The following EXD3 variants were observed in gnomAD, a reference collection of about 807,000 sequenced individuals.
EXD3 encodes exonuclease mut-7 homolog.
A neutral mutation model predicts 98.0 loss-of-function variants in EXD3; 92 were observed. The observed-to-expected ratio is 0.94, with a 90% CI of 0.79 to 1.12. The LOEUF (loss-of-function observed/expected upper bound fraction) is 1.12. Ranked by LOEUF, EXD3 falls within the 50% of genes most tolerant of loss-of-function variation. The pLI, the probability that EXD3 is intolerant of heterozygous loss-of-function variation, is 0.00. For synonymous variants in EXD3, 569 were observed against 526.0 expected (o/e 1.08, Z -1.12); for missense variants, 1,222 against 1,191.6 (o/e 1.03, Z -0.38).
chr9:137,382,203 G>A (rs1009423189), intron 3 of EXD3, among the ~76,000 whole-genome samples: 1 of 152,014 alleles, frequency 6.6e-6, no homozygotes, highest in Non-Finnish European at 1.5e-5. Flanking sequence ...GGAGGTGAGG[G>A]CACAGACACA....
rs1832285413 is a variant in EXD3 at position 137,324,577 on chromosome 9, G to A, written c.1999-434C>T. Among the ~76,000 whole-genome samples, 1 of 152,162 alleles carries A rather than the reference G, an allele frequency of 6.6e-6. No individual in the cohort carries two copies. Among genetic ancestry groups the A allele is most frequent in the Non-Finnish European group, 1.5e-5 (1 of 68,042 alleles). ...TGACGATGCTCTGGGTGACAGTGTC[G>A]ACGTGGCTCTTCCCAAAGCTTTGTA... On this transcript the variant is annotated intron_variant, in intron 17 of 21. Coordinates refer to ENST00000340951, the MANE Select transcript of EXD3 (RefSeq NM_017820.5). The surrounding 1 kb of genome is among the most constrained non-coding windows in gnomAD (Gnocchi z 4.1).
chr9:137,355,516 AG>A (rs1318445757), intron 8 of EXD3, among the ~76,000 whole-genome samples: 37 of 127,486 alleles, frequency 2.9e-4, no homozygotes, highest in African/African-American at 1.0e-3. Context: ...AGGAGGAAGG[AG>A]GAAGGAGGAT....
chr9:137,347,323 G>A lies in EXD3; in HGVS notation c.1998+748C>T, dbSNP rs868251158. 6.6e-6 allele frequency among the ~76,000 whole-genome samples: 1 copy of A among 152,080 alleles called. No homozygotes were observed. Among genetic ancestry groups the A allele is most frequent in the East Asian group, 1.9e-4 (1 of 5,202 alleles). The stretch of plus-strand genomic sequence containing the variant: ...CTTGGTCAGGTGTTGGCAGAATCTG[G>A]CTGCTTGTGGCTGTTGGACTGAGGT... On this transcript the variant is annotated intron_variant, in intron 17 of 21. Transcript: ENST00000340951. The surrounding 1 kb of genome is among the most constrained non-coding windows in gnomAD (Gnocchi z 4.2).
intron 17 of EXD3, among the ~76,000 whole-genome samples, chr9:137,325,140 C>T (rs951692520): frequency 6.6e-6 from 1 of 152,206 alleles, no homozygotes; most frequent in Non-Finnish European, 1.5e-5. Context: ...AATCCCATCG[C>T]CGGGAGTGCC....
Position 137,347,770 on chromosome 9 carries a change from G to A in EXD3, c.1998+301C>T, listed in dbSNP as rs193117273. ...CATTTCTGCTTTTAAGGGCTCATGTGATTACACTGGGCCCACCCAAATAAG... is the reference window on the plus strand; with the variant it reads ...CATTTCTGCTTTTAAGGGCTCATGTAATTACACTGGGCCCACCCAAATAAG... On this transcript the variant is annotated intron_variant, in intron 17 of 21. Coordinates refer to ENST00000340951, the MANE Select transcript of EXD3 (RefSeq NM_017820.5). The surrounding 1 kb of genome is among the most constrained non-coding windows in gnomAD (Gnocchi z 4.2). Among the ~76,000 whole-genome samples the A allele has an allele frequency of 2.8e-3, 425 of 152,240 alleles. 1 individual carries two copies. The highest frequency in any genetic ancestry group is 5.1e-3 in the Non-Finnish European group (345 of 68,018).
chr9:137,367,928 A>T lies in EXD3; in HGVS notation c.516+8T>A, dbSNP rs191710398. ...AACCTAAACAATTTACATGAGAAAG[A>T]CGTTCACCTTTTCAACGCCAAGCTC... On this transcript the variant is annotated splice_region_variant and intron_variant, in intron 6 of 21. Transcript: ENST00000340951. 279 of 1,611,842 alleles carry T rather than the reference A, an allele frequency of 1.7e-4. No individual in the cohort carries two copies. The East Asian group carries it at 6.1e-3, about 35-fold the overall frequency.
intron 3 of EXD3, among the ~76,000 whole-genome samples, 200 bp from the exon 4 acceptor site, chr9:137,373,799 A>G (rs1407285940): frequency 2.0e-5 from 3 of 152,180 alleles, no homozygotes; most frequent in Admixed American, 1.3e-4. Context: ...GGCGGTGGTC[A>G]TTGTCTGCAC....
intron 2 of EXD3, among the ~76,000 whole-genome samples, chr9:137,387,809 C>T (rs1030040509): frequency 8.5e-5 from 13 of 152,206 alleles, no homozygotes; most frequent in African/African-American, 3.1e-4. Flanking sequence ...CTTCTGGGGG[C>T]CTTTGGTCCC....
intron 7 of EXD3, chr9:137,365,977 G>C (rs374363567): frequency 5.8e-6 from 3 of 520,756 alleles, no homozygotes; most frequent in Admixed American, 2.4e-5. Context: ...CACACACAGA[G>C]ACACACACAT....
At position 137,354,331 on chromosome 9, in the gene EXD3, G is replaced by C. The variant is rs372878424; in HGVS notation, c.870+8C>G. Reference sequence around the variant, plus strand: ...CCTGCCGGCTTACAGGCAAGGGCACGAACTCACCTGCACATGGTCGGTCCA... The same window carrying C: ...CCTGCCGGCTTACAGGCAAGGGCACCAACTCACCTGCACATGGTCGGTCCA... On this transcript the variant is annotated splice_region_variant and intron_variant, in intron 10 of 21. Transcript: ENST00000340951. The C allele has an allele frequency of 6.2e-7, 1 of 1,612,248 alleles. No homozygotes were observed. Among genetic ancestry groups the C allele is most frequent in the South Asian group, 1.1e-5 (1 of 91,042 alleles).
chr9:137,390,159 G>A (rs1262790357), intron 2 of EXD3, among the ~76,000 whole-genome samples: 14 of 138,884 alleles, frequency 1.0e-4, no homozygotes, highest in Non-Finnish European at 1.7e-4. Flanking sequence ...GGCCGGGCGC[G>A]GTGGCTCACA....
intron 1 of EXD3, among the ~76,000 whole-genome samples, chr9:137,422,523 GT>G (rs1341404671): frequency 1.3e-5 from 2 of 152,168 alleles, no homozygotes; most frequent in Admixed American, 1.3e-4. Flanking sequence ...GATGGGCTCT[GT>G]TTTCTTTAAA....
In EXD3 at chr9:137,402,257, G is replaced by A. The variant is rs551055914; in HGVS notation, c.-47-6853C>T. Among the ~76,000 whole-genome samples the A allele has an allele frequency of 5.3e-5, 8 of 152,220 alleles. No individual in the cohort carries two copies. In the East Asian group the frequency reaches 7.7e-4, roughly 15 times the overall value. On this transcript the variant is annotated intron_variant, in intron 1 of 21. Transcript: ENST00000340951. The stretch of plus-strand genomic sequence containing the variant: ...TCTTGAACTCCTGACCTCGTGATCC[G>A]CCCGTCTCAGCCTCCCAAAGTGTGG...
rs535992400 is a variant in EXD3 at position 137,367,803 on chromosome 9, C to T, written c.516+133G>A. The T allele has an allele frequency of 2.7e-5, 23 of 840,528 alleles. No individual in the cohort carries two copies. In the South Asian group the frequency reaches 3.5e-4, roughly 13 times the overall value. The allele number at this position is 840,528 out of a possible 1,614,324, so 52.1% of individuals were successfully genotyped here. ...TGGTTTAGGGGGCTCTGGAGGCCCT[C>T]GCCGGCCCCCGATGGCCCTGCTGTC... is the stretch of plus-strand genomic sequence containing the variant. On this transcript the variant is annotated intron_variant, in intron 6 of 21. Transcript: ENST00000340951.
At chr9:137,341,221 T>A (rs547959720) in intron 17 of EXD3, among the ~76,000 whole-genome samples, 2 of 152,102 alleles carry the variant, frequency 1.3e-5, no homozygotes, top group African/African-American at 4.8e-5. Flanking sequence ...GGAGGCTGAG[T>A]TGGGAGGCTC....
At chr9:137,350,958 G>T (rs943581176) in intron 14 of EXD3, 80 bp downstream of exon 14, 7 of 1,152,304 alleles carry the variant, frequency 6.1e-6, no homozygotes, top group Admixed American at 4.3e-5. Flanking sequence ...AGGGCCGCTG[G>T]GAAGGTGTGG....
chr9:137,404,784 C>T (rs1837638893), intron 1 of EXD3, among the ~76,000 whole-genome samples: 1 of 151,882 alleles, frequency 6.6e-6, no homozygotes, highest in Admixed American at 6.6e-5. Flanking sequence ...TGCTTGAACC[C>T]GGGAGGCAGA....
intron 1 of EXD3, among the ~76,000 whole-genome samples, chr9:137,397,310 C>T (rs2131776239): frequency 6.6e-6 from 1 of 152,300 alleles, no homozygotes; most frequent in East Asian, 1.9e-4. Context: ...GAGTCCCACC[C>T]AGCTTAGGAG....
In EXD3 at chr9:137,350,965, G is replaced by A. The variant is rs141024301; in HGVS notation, c.1494+73C>T. 49 of 1,272,914 alleles carry A rather than the reference G, an allele frequency of 3.8e-5. No homozygotes were observed. The African/African-American group carries it at 5.3e-4, about 14-fold the overall frequency. 78.9% of individuals were successfully genotyped at this position (1,272,914 alleles called of 1,614,324 possible). The stretch of plus-strand genomic sequence containing the variant: ...AGAAGCCCAGGGCCGCTGGGAAGGT[G>A]TGGAGGGGCCCCAAGCAGCCCTCGA... On this transcript the variant is annotated intron_variant, in intron 14 of 21. Transcript: ENST00000340951.
Sources: gnomAD v4.1 joint callset for allele counts (sites outside exome capture counted in the v4.1 genomes callset) on GRCh38, gnomAD v4.1.1 for gene constraint, Gnocchi (gnomAD v3.1) non-coding constraint, MANE v1.5 for transcripts, NCBI Gene and HGNC (gene_info 2026-07-23, HGNC 2026-07-21) for gene names.